ENPP1: variants seen among roughly 807,000 people sequenced by gnomAD.
ENPP1 encodes the protein ectonucleotide pyrophosphatase/phosphodiesterase 1.
Under a neutral mutation model 122.8 loss-of-function variants are expected in ENPP1, and 73 were observed. The ratio of observed to expected loss-of-function variants is 0.59; its 90% CI spans 0.49 to 0.72. The LOEUF (loss-of-function observed/expected upper bound fraction) is 0.72, where lower values mean the gene tolerates loss of function less well. Among genes scored for constraint, ENPP1 ranks in the 30% least tolerant of loss-of-function variants. The pLI, the probability that ENPP1 is intolerant of heterozygous loss-of-function variation, is 0.00. For missense variants in ENPP1, 978 were observed against 1,128.1 expected (o/e 0.87, Z 1.91); for synonymous variants, 367 against 391.6 (o/e 0.94, Z 0.74).
chr6:131,828,491 T>C (rs890143828), intron 1 of ENPP1: 23 of 228,712 alleles, frequency 1.0e-4, no homozygotes, highest in Non-Finnish European at 1.9e-4. Flanking sequence ...AGGTGATCTA[T>C]ACCTTTTGAA....
chr6:131,842,003 G>T (rs1037186569), intron 1 of ENPP1, among the ~76,000 whole-genome samples: 8 of 152,028 alleles, frequency 5.3e-5, no homozygotes, highest in Admixed American at 3.3e-4. Flanking sequence ...GGACCCATTT[G>T]TTCCCTCCCT....
chr6:131,888,326 G>C lies in ENPP1; in HGVS notation c.2607+1602G>C, dbSNP rs919121511. 5.3e-5 allele frequency among the ~76,000 whole-genome samples: 8 copies of C among 151,754 alleles called. 1 individual carries two copies. Among genetic ancestry groups the C allele is most frequent in the Admixed American group, 5.2e-4 (8 of 15,244 alleles). On this transcript the variant is annotated intron_variant, in intron 24 of 24. Transcript: ENST00000647893. Reference sequence around the variant, plus strand: ...GCTTTCATACCAGTCCCAATGAATGGGTGGTAGGTACCTGGAGTTAGGATC... The same window carrying C: ...GCTTTCATACCAGTCCCAATGAATGCGTGGTAGGTACCTGGAGTTAGGATC...
chr6:131,831,366 G>A (rs1167667944), intron 1 of ENPP1, among the ~76,000 whole-genome samples: 3 of 151,984 alleles, frequency 2.0e-5, no homozygotes, highest in Non-Finnish European at 4.4e-5. Flanking sequence ...AGGTCCATTT[G>A]TTACAGCTCA....
At position 131,858,698 on chromosome 6, in the gene ENPP1, G is replaced by C; in HGVS notation, c.746G>C (p.Arg249Thr). The change falls in exon 7 of 25, where the codon AGA (arginine) becomes ACA (threonine). Residue 249 changes from arginine to threonine, a missense_variant. Around this residue, in one of 3 missense-constraint regions of ENPP1, gnomAD observed 330 missense variants for 328.5 expected, o/e 1.00. Coordinates refer to ENST00000647893, the MANE Select transcript of ENPP1 (RefSeq NM_006208.3). ...TGTGGAACATATACTAAAAACATGA[G>C]ACCGGTATATCCAACAAAAACTTTC... ...KKCGTYTKNMRPVYPTKTFPN... is the reference protein window; with the variant it reads ...KKCGTYTKNMTPVYPTKTFPN... The C allele has an allele frequency of 6.2e-7, 1 of 1,611,234 alleles. No individual in the cohort carries two copies. The highest frequency in any genetic ancestry group is 8.5e-7 in the Non-Finnish European group (1 of 1,177,592).
rs34545497 is a variant in ENPP1, at chr6:131,891,748, C to CTTTTTTTT, written c.*1249_*1256dup. On this transcript the variant is annotated 3_prime_UTR_variant, in exon 25 of 25. Transcript: ENST00000647893. ...AATTATTTAATAATTTAGGAAGTTG[C>CTTTTTTTT]TTTTTTTTTTTTTTTTTTTCAGTCC... is the stretch of plus-strand genomic sequence containing the variant. 3.7e-5 allele frequency: 3 copies of CTTTTTTTT among 80,140 alleles called. No homozygotes were observed. The highest frequency in any genetic ancestry group is 1.4e-4 in the African/African-American group (2 of 14,394). 5.0% of individuals were successfully genotyped at this position (80,140 alleles called of 1,614,324 possible).
intron 12 of ENPP1, 119 bp downstream of exon 12, chr6:131,868,245 A>C: frequency 2.7e-6 from 2 of 736,456 alleles, no homozygotes; most frequent in South Asian, 1.5e-5. Flanking sequence ...GTAGTTTCTT[A>C]TGGACAGTCT....
rs1781928058 is a variant in ENPP1, at chr6:131,855,043, A to C, written c.715+20A>C. On this transcript the variant is annotated intron_variant, in intron 6 of 24. Transcript: ENST00000647893. ...AACTAAGTGAGTAACTTCAGAGTTT[A>C]CTGCTGGAATATCACCATTTCAGTG... The C allele has an allele frequency of 6.8e-7, 1 of 1,475,864 alleles. No individual in the cohort carries two copies. The highest frequency in any genetic ancestry group is 1.4e-5 in the African/African-American group (1 of 71,984). The allele number at this position is 1,475,864 out of a possible 1,614,324, so 91.4% of individuals were successfully genotyped here. A position where few individuals can be genotyped will look rare whatever the true frequency, so the allele number is the denominator to read the frequency against.
intron 1 of ENPP1, among the ~76,000 whole-genome samples, chr6:131,824,736 G>T (rs1280891925): frequency 6.6e-6 from 1 of 150,674 alleles, no homozygotes; most frequent in Non-Finnish European, 1.5e-5. Flanking sequence ...TTACAAGTAT[G>T]AGCCACCGTG....
intron 24 of ENPP1, among the ~76,000 whole-genome samples, chr6:131,889,383 C>T (rs1331287207): frequency 1.3e-5 from 2 of 152,012 alleles, no homozygotes; most frequent in African/African-American, 2.4e-5. Flanking sequence ...CTCCCTCCTC[C>T]CACCCCCTGC....
In ENPP1 at chr6:131,875,875, C is replaced by T. The variant is rs1469566500; in HGVS notation, c.1723+12C>T. 1.2e-6 allele frequency: 2 copies of T among 1,600,172 alleles called. No homozygotes were observed. Among genetic ancestry groups the T allele is most frequent in the East Asian group, 4.5e-5 (2 of 44,826 alleles). On this transcript the variant is annotated intron_variant, in intron 17 of 24. Coordinates refer to ENST00000647893, the MANE Select transcript of ENPP1 (RefSeq NM_006208.3). ...TAACTTAATGTGTGGTAAGTGTGAA[C>T]AGGTGCCTTTTTTCCCTTCTGAAAA...
At chr6:131,877,298 G>A in intron 18 of ENPP1, 137 bp downstream of exon 18, 5 of 821,018 alleles carry the variant, frequency 6.1e-6, no homozygotes, top group Non-Finnish European at 1.0e-5. Flanking sequence ...TAATTCTAGG[G>A]GGCGCATGTA....
chr6:131,872,101 T>C lies in ENPP1; in HGVS notation c.1437T>C (p.Ser479=). The change falls in exon 14 of 25, where the codon TCT becomes TCC. Residue 479 remains serine (S), a splice_region_variant and synonymous_variant. Coordinates refer to ENST00000647893, the MANE Select transcript of ENPP1 (RefSeq NM_006208.3). The stretch of plus-strand genomic sequence containing the variant: ...ATGAAGGCATTGCCCGAAATCTTTC[T>C]GTGAGTATCTTTATTTTCCATTATC... The part of the protein sequence containing the change: ...FNYEGIARNL[S]CREPNQHFKP... The C allele has an allele frequency of 1.3e-6, 2 of 1,582,086 alleles. No homozygotes were observed. The highest frequency in any genetic ancestry group is 1.7e-6 in the Non-Finnish European group (2 of 1,154,370).
chr6:131,831,709 T>A (rs184159595), intron 1 of ENPP1, among the ~76,000 whole-genome samples: 11 of 152,346 alleles, frequency 7.2e-5, no homozygotes, highest in African/African-American at 2.4e-4. Context: ...CATTCTTAAC[T>A]CATCATTTCA....
intron 1 of ENPP1, among the ~76,000 whole-genome samples, chr6:131,831,407 A>G (rs186280878): frequency 3.9e-5 from 6 of 152,300 alleles, no homozygotes; most frequent in Admixed American, 3.3e-4. Flanking sequence ...ATTATTAACT[A>G]AAGTCCATAC....
intron 1 of ENPP1, among the ~76,000 whole-genome samples, chr6:131,824,706 G>A (rs1201223616): frequency 5.9e-5 from 9 of 151,988 alleles, no homozygotes; most frequent in East Asian, 3.9e-4. Context: ...CACCCACCTC[G>A]GCCTCCCAAA....
At chr6:131,884,397 A>C (rs959221641) in intron 22 of ENPP1, among the ~76,000 whole-genome samples, 1 of 152,190 alleles carries the variant, frequency 6.6e-6, no homozygotes, top group Non-Finnish European at 1.5e-5. Context: ...GGGATGTCTC[A>C]AAGAGAGTTG....
rs1781300139 is a variant in ENPP1, at chr6:131,808,052, G to T, written c.17G>T (p.Cys6Phe). 7 of 984,326 alleles carry T rather than the reference G, an allele frequency of 7.1e-6. No individual in the cohort carries two copies. The South Asian group carries it at 1.4e-4, about 19-fold the overall frequency. The allele number at this position is 984,326 out of a possible 1,614,324, so 61.0% of individuals were successfully genotyped here. A position where few individuals can be genotyped will look rare whatever the true frequency, so the allele number is the denominator to read the frequency against. Residue 6 changes from cysteine (C) to phenylalanine (F), a missense_variant, in exon 1 of 25, where the codon TGC (cysteine) becomes TTC (phenylalanine). By Grantham distance (205) the Cys-to-Phe change is radical (BLOSUM62 -2). Transcript: ENST00000647893. MERDG[C>F]AGGGSRGGEG... The stretch of plus-strand genomic sequence containing the variant: ...GGGGCCACGATGGAGCGCGACGGCT[G>T]CGCGGGGGGCGGGAGCCGCGGCGGC...
At chr6:131,868,738 C>G (rs1276957195) in intron 12 of ENPP1, among the ~76,000 whole-genome samples, 1 of 152,296 alleles carries the variant, frequency 6.6e-6, no homozygotes, top group East Asian at 1.9e-4. Context: ...TCGTGCCCAG[C>G]CTTCAATTTT....
At chr6:131,890,314 T>G in intron 24 of ENPP1, 27 bp from the exon 25 acceptor site, 1 of 1,604,284 alleles carries the variant, frequency 6.2e-7, no homozygotes, top group Non-Finnish European at 8.5e-7. Flanking sequence ...CTTGGTAACT[T>G]TTCTTTTATA....
Sources: gnomAD v4.1 joint callset for allele counts (sites outside exome capture counted in the v4.1 genomes callset) on GRCh38, gnomAD v4.1.1 for gene constraint, gnomAD v4.1.1 regional missense constraint, MANE v1.5 for transcripts, NCBI Gene and HGNC (gene_info 2026-07-23, HGNC 2026-07-21) for gene names.